GABRA3: variants seen among roughly 807,000 people sequenced by gnomAD.
GABRA3 encodes the protein gamma-aminobutyric acid receptor subunit alpha-3.
GABRA3 carries 10 observed loss-of-function variants against 30.1 expected under a neutral mutation model. The observed-to-expected ratio is 0.33, with a 90% CI of 0.20 to 0.56. The LOEUF (loss-of-function observed/expected upper bound fraction) is 0.56, where lower values mean the gene tolerates loss of function less well. Among genes scored for constraint, GABRA3 ranks in the 20% least tolerant of loss-of-function variants. The pLI, the probability that GABRA3 is intolerant of heterozygous loss-of-function variation, is 0.89. For synonymous variants in GABRA3, 151 were observed against 146.8 expected (o/e 1.03, Z -0.21); for missense variants, 233 against 392.0 (o/e 0.59, Z 3.42).
At chrX:152,421,346 G>T (rs1930369202) in intron 1 of GABRA3, among the ~76,000 whole-genome samples, 1 of 110,610 alleles carries the variant, frequency 9.0e-6, no homozygotes, top group Non-Finnish European at 1.9e-5. Flanking sequence ...TAGTTTCCAA[G>T]AACCTACTGA....
chrX:152,225,136 C>A (rs1024621908), intron 5 of GABRA3, among the ~76,000 whole-genome samples: 10 of 109,770 alleles, frequency 9.1e-5, no homozygotes, highest in Non-Finnish European at 1.3e-4. Flanking sequence ...AGACACCCCC[C>A]CCAAGAAGCC....
At chrX:152,205,014 G>T (rs1288150435) in intron 7 of GABRA3, among the ~76,000 whole-genome samples, 5 of 111,757 alleles carry the variant, frequency 4.5e-5, no homozygotes, top group African/African-American at 1.6e-4. Flanking sequence ...ACGCACGCGT[G>T]TGTGTGTGTC....
chrX:152,282,007 T>C (rs1939207194), intron 4 of GABRA3, among the ~76,000 whole-genome samples: 1 of 111,929 alleles, frequency 8.9e-6, no homozygotes, highest in South Asian at 3.7e-4. Flanking sequence ...TTTATGGTAT[T>C]GAGATGAACA....
At chrX:152,179,563 C>T (rs1937118689) in intron 9 of GABRA3, among the ~76,000 whole-genome samples, 3 of 105,752 alleles carry the variant, frequency 2.8e-5, no homozygotes, top group East Asian at 3.0e-4. Flanking sequence ...GGCGCGATCT[C>T]GGCTCACTGC....
At chrX:152,228,525 T>C (rs969990053) in intron 5 of GABRA3, among the ~76,000 whole-genome samples, 3 of 111,549 alleles carry the variant, frequency 2.7e-5, no homozygotes, top group African/African-American at 9.8e-5. Flanking sequence ...GCATTACTCA[T>C]AAGAGGCAGT....
chrX:152,430,491 G>A (rs1268505767), intron 1 of GABRA3, among the ~76,000 whole-genome samples: 1 of 111,586 alleles, frequency 9.0e-6, no homozygotes. Context: ...CAACTGGGGT[G>A]TTGCCCAGGT....
At chrX:152,294,750 C>A (rs1290451132) in intron 3 of GABRA3, among the ~76,000 whole-genome samples, 2 of 111,951 alleles carry the variant, frequency 1.8e-5, no homozygotes, top group African/African-American at 6.5e-5. Context: ...TCTGGTTTCT[C>A]CCCATCTTTG....
At chrX:152,360,729 AAAAAAAAATT>A (rs1312419159) in intron 2 of GABRA3, among the ~76,000 whole-genome samples, 24 of 89,958 alleles carry the variant, frequency 2.7e-4, no homozygotes, top group African/African-American at 1.1e-3. Context: ...AAAAAATTAA[AAAAAAAAATT>A]AAAAAAAAAA....
At chrX:152,188,605 G>C (rs538479379) in intron 9 of GABRA3, among the ~76,000 whole-genome samples, 130 of 110,853 alleles carry the variant, frequency 1.2e-3, no homozygotes, top group Admixed American at 0.01. Flanking sequence ...ATAAAACCAA[G>C]CAAAAAATCC....
chrX:152,345,077 T>A (rs781560577), intron 3 of GABRA3, among the ~76,000 whole-genome samples: 3 of 111,574 alleles, frequency 2.7e-5, no homozygotes, highest in Non-Finnish European at 5.6e-5. Context: ...GTCAGGCTGA[T>A]ATATGCTCAG....
chrX:152,204,223 T>C (rs1212317971), intron 7 of GABRA3, among the ~76,000 whole-genome samples: 1 of 111,959 alleles, frequency 8.9e-6, no homozygotes, highest in Non-Finnish European at 1.9e-5. Flanking sequence ...AAGCACATTA[T>C]TTAGAACTAT....
chrX:152,269,596 A>C, intron 4 of GABRA3, among the ~76,000 whole-genome samples: 1 of 112,399 alleles, frequency 8.9e-6, no homozygotes, highest in Middle Eastern at 4.6e-3. Flanking sequence ...CTTACTGTAA[A>C]GCAATACTAA....
chrX:152,284,878 A>C (rs775854739), intron 3 of GABRA3, 143 bp from the exon 4 acceptor site: 1 of 342,409 alleles, frequency 2.9e-6, no homozygotes, highest in East Asian at 5.8e-5. Flanking sequence ...CATCTGTGCT[A>C]TCTCTTCACA....
intron 8 of GABRA3, among the ~76,000 whole-genome samples, chrX:152,196,905 C>T (rs1385149256): frequency 4.4e-5 from 5 of 112,546 alleles, no homozygotes; most frequent in Non-Finnish European, 9.4e-5. Context: ...AGTAAAACTT[C>T]AGGATATTGG....
At chrX:152,371,500 T>A (rs2124500533) in intron 1 of GABRA3, among the ~76,000 whole-genome samples, 1 of 111,165 alleles carries the variant, frequency 9.0e-6, no homozygotes, top group East Asian at 2.9e-4. Flanking sequence ...TTGGTTATTG[T>A]CTCATCTCTC....
chrX:152,332,726 C>T (rs1377377234), intron 3 of GABRA3, among the ~76,000 whole-genome samples: 1 of 111,912 alleles, frequency 8.9e-6, no homozygotes, highest in Non-Finnish European at 1.9e-5. Flanking sequence ...GGTGCAAACC[C>T]TGTTTGAAGG....
chrX:152,282,966 A>C (rs1458529363), intron 4 of GABRA3, among the ~76,000 whole-genome samples: 1 of 111,575 alleles, frequency 9.0e-6, no homozygotes, highest in Non-Finnish European at 1.9e-5. Flanking sequence ...TCCTTTTATA[A>C]ATATCCTAAT....
chrX:152,243,050 T>A (rs2124403903), intron 5 of GABRA3, among the ~76,000 whole-genome samples: 1 of 111,756 alleles, frequency 8.9e-6, no homozygotes, highest in East Asian at 2.8e-4. Context: ...GAAAAGGAAA[T>A]CCTGCCACTT....
At chrX:152,195,626 C>G (rs1036239657) in intron 8 of GABRA3, among the ~76,000 whole-genome samples, 1 of 111,447 alleles carries the variant, frequency 9.0e-6, no homozygotes, top group African/African-American at 3.3e-5. Flanking sequence ...CTTCCTCTTT[C>G]TTCAAATCCG....
Sources: gnomAD v4.1 joint callset for allele counts (sites outside exome capture counted in the v4.1 genomes callset) on GRCh38, gnomAD v4.1.1 for gene constraint, MANE v1.5 for transcripts, NCBI Gene and HGNC (gene_info 2026-07-23, HGNC 2026-07-21) for gene names.